The following CEP112 variants were observed in gnomAD, a reference collection of about 807,000 sequenced individuals.
CEP112 encodes centrosomal protein of 112 kDa.
Under a neutral mutation model 153.0 loss-of-function variants are expected in CEP112, and 127 were observed. The ratio of observed to expected loss-of-function variants is 0.83; its 90% confidence interval spans 0.72 to 0.96. CEP112 has a LOEUF of 0.96. Among genes scored for constraint, CEP112 ranks in the 40% least tolerant of loss-of-function variants. The pLI, the probability that CEP112 is intolerant of heterozygous loss-of-function variation, is 0.00. For missense variants in CEP112, 1,089 were observed against 1,101.2 expected (o/e 0.99, Z 0.16); for synonymous variants, 358 against 374.4 (o/e 0.96, Z 0.51).
At chr17:65,923,184 C>T (rs916414342) in intron 19 of CEP112, among the ~76,000 whole-genome samples, 1 of 152,126 alleles carries the variant, frequency 6.6e-6, no homozygotes, top group African/African-American at 2.4e-5. Flanking sequence ...AGAATAACTC[C>T]ATTGCACCGG....
In CEP112 at chr17:65,731,596, G is replaced by A. The variant is rs144009036; in HGVS notation, c.2607+11472C>T. Reference sequence around the variant, plus strand: ...ACTGCACCAATTGACTTGCTTTCACGGAAGATTTCTCTGTAGCATGCGATG... The same window carrying A: ...ACTGCACCAATTGACTTGCTTTCACAGAAGATTTCTCTGTAGCATGCGATG... On this transcript the variant is annotated intron_variant, in intron 23 of 26. Transcript: ENST00000535342. Among the ~76,000 whole-genome samples, 92 of 152,238 alleles carry A rather than the reference G, an allele frequency of 6.0e-4. 1 individual carries two copies. The Middle Eastern group carries it at 0.014, about 23-fold the overall frequency.
intron 17 of CEP112, among the ~76,000 whole-genome samples, chr17:65,970,362 T>TATCACATGCACACATCATGCATGTAA (rs1568313440): frequency 7.4e-6 from 1 of 134,956 alleles, no homozygotes; most frequent in Non-Finnish European, 1.6e-5. Context: ...TATGTGCCTA[T>TATCACATGCACACATCATGCATGTAA]ATTACATGCA....
At chr17:65,708,150 C>CT (rs563680157) in intron 23 of CEP112, among the ~76,000 whole-genome samples, 1,761 of 146,472 alleles carry the variant, frequency 0.012, 16 homozygotes, top group Middle Eastern at 0.032. Flanking sequence ...ACCCCCCGCA[C>CT]TTTTTTTTTT....
intron 8 of CEP112, among the ~76,000 whole-genome samples, chr17:66,092,828 T>C (rs775149841): frequency 3.3e-5 from 5 of 152,132 alleles, no homozygotes; most frequent in Non-Finnish European, 7.4e-5. Flanking sequence ...CATATTTTCA[T>C]AATAAAAACA....
At chr17:66,015,572 C>G (rs186903813) in intron 16 of CEP112, among the ~76,000 whole-genome samples, 1 of 152,198 alleles carries the variant, frequency 6.6e-6, no homozygotes, top group African/African-American at 2.4e-5. Context: ...GGTCACAACA[C>G]TTTGGCCTAA....
At chr17:66,125,126 T>C (rs1451247256) in intron 6 of CEP112, among the ~76,000 whole-genome samples, 2 of 152,208 alleles carry the variant, frequency 1.3e-5, no homozygotes, top group Non-Finnish European at 1.5e-5. Context: ...AGCTACCATT[T>C]TGAGTAGATA....
chr17:65,785,624 A>G (rs2054239258), intron 21 of CEP112, among the ~76,000 whole-genome samples: 1 of 152,006 alleles, frequency 6.6e-6, no homozygotes, highest in Non-Finnish European at 1.5e-5. Context: ...TTTCATTTTG[A>G]TGAAGTTCAG....
intron 17 of CEP112, among the ~76,000 whole-genome samples, chr17:65,982,772 C>A (rs777045895): frequency 2.6e-5 from 4 of 152,160 alleles, no homozygotes; most frequent in Non-Finnish European, 5.9e-5. Flanking sequence ...ATATTCATAG[C>A]AGCACTATTC....
intron 15 of CEP112, 128 bp from the exon 16 acceptor site, chr17:66,027,688 A>C: frequency 1.5e-6 from 1 of 654,862 alleles, no homozygotes; most frequent in Non-Finnish European, 2.2e-6. Context: ...CATATGATTA[A>C]GTAAGCCCTA....
chr17:65,907,961 A>G (rs1333276454), intron 19 of CEP112, among the ~76,000 whole-genome samples: 2 of 152,202 alleles, frequency 1.3e-5, no homozygotes, highest in Non-Finnish European at 2.9e-5. Context: ...TGGACATTGT[A>G]GAGGACATAA....
intron 18 of CEP112, among the ~76,000 whole-genome samples, chr17:65,946,503 T>C (rs2061653223): frequency 6.6e-6 from 1 of 152,198 alleles, no homozygotes; most frequent in Admixed American, 6.5e-5. Flanking sequence ...GTGGGTGTTT[T>C]TGGTCTCTTT....
At chr17:66,106,342 C>CA (rs1329216896) in intron 6 of CEP112, among the ~76,000 whole-genome samples, 2 of 151,610 alleles carry the variant, frequency 1.3e-5, no homozygotes, top group African/African-American at 4.8e-5. Flanking sequence ...AAAAAACACA[C>CA]AAAAAATCAA....
At chr17:65,845,968 T>C (rs1365127559) in intron 21 of CEP112, among the ~76,000 whole-genome samples, 2 of 152,206 alleles carry the variant, frequency 1.3e-5, no homozygotes, top group Non-Finnish European at 2.9e-5. Flanking sequence ...AGGAATTCTT[T>C]TATAACCTTA....
At chr17:65,960,056 C>T (rs1466145745) in intron 18 of CEP112, among the ~76,000 whole-genome samples, 1 of 152,154 alleles carries the variant, frequency 6.6e-6, no homozygotes, top group Non-Finnish European at 1.5e-5. Flanking sequence ...ATGAAACCTT[C>T]CTTAGGCACA....
At chr17:66,075,116 A>G (rs960240196) in intron 8 of CEP112, among the ~76,000 whole-genome samples, 3 of 152,114 alleles carry the variant, frequency 2.0e-5, no homozygotes, top group Non-Finnish European at 4.4e-5. Context: ...GGAAAGTACT[A>G]GAAATAGTAT....
At chr17:66,015,688 A>G (rs1485834103) in intron 16 of CEP112, among the ~76,000 whole-genome samples, 1 of 152,204 alleles carries the variant, frequency 6.6e-6, no homozygotes, top group African/African-American at 2.4e-5. Context: ...TGGGGTCTGG[A>G]CATTTATAAA....
chr17:65,937,070 G>A (rs1405835943), intron 18 of CEP112, among the ~76,000 whole-genome samples: 1 of 149,024 alleles, frequency 6.7e-6, no homozygotes. Context: ...CGCCAGCCTC[G>A]GCCTCCCGAG....
chr17:66,052,260 T>C (rs2145922807), intron 12 of CEP112, among the ~76,000 whole-genome samples: 1 of 152,188 alleles, frequency 6.6e-6, no homozygotes, highest in East Asian at 1.9e-4. Context: ...TTCTACTGAA[T>C]GCATCTTACC....
intron 11 of CEP112, among the ~76,000 whole-genome samples, chr17:66,060,717 A>C (rs1002083774): frequency 6.6e-6 from 1 of 152,162 alleles, no homozygotes; most frequent in African/African-American, 2.4e-5. Flanking sequence ...AGAACAATGA[A>C]ATTAGACCTG....
Sources: gnomAD v4.1 joint callset for allele counts (sites outside exome capture counted in the v4.1 genomes callset) on GRCh38, gnomAD v4.1.1 for gene constraint, MANE v1.5 for transcripts, NCBI Gene and HGNC (gene_info 2026-07-23, HGNC 2026-07-21) for gene names.